TAFA1: variants seen among roughly 807,000 people sequenced by gnomAD.
The protein encoded by TAFA1 is TAFA chemokine like family member 1, also known as chemokine-like protein TAFA-1.
A neutral mutation model predicts 18.5 loss-of-function variants in TAFA1; 4 were observed. That is an observed-to-expected ratio of 0.22 (90% CI 0.11 to 0.49). The LOEUF is 0.49. Ranked by LOEUF, TAFA1 falls within the 20% of genes least tolerant of loss-of-function variation. The probability of loss-of-function intolerance (pLI) is 0.98; values close to 1 mark genes in which losing one functional copy is unlikely to be tolerated. For missense variants in TAFA1, 147 were observed against 169.0 expected (o/e 0.87, Z 0.72); for synonymous variants, 56 against 55.2 (o/e 1.01, Z -0.06).
At chr3:68,202,091 T>A (rs1467857155) in intron 2 of TAFA1, among the ~76,000 whole-genome samples, 1 of 151,708 alleles carries the variant, frequency 6.6e-6, no homozygotes, top group Non-Finnish European at 1.5e-5. Flanking sequence ...CTAAGTCCCA[T>A]CTCCTAACAC....
chr3:68,019,133 T>C (rs1387958704), intron 2 of TAFA1, among the ~76,000 whole-genome samples: 1 of 152,230 alleles, frequency 6.6e-6, no homozygotes, highest in Non-Finnish European at 1.5e-5. Context: ...CAAATTTCTA[T>C]GTTGAGGAGC....
chr3:68,374,672 G>A (rs916298363), intron 2 of TAFA1, among the ~76,000 whole-genome samples: 3 of 152,020 alleles, frequency 2.0e-5, no homozygotes, highest in Non-Finnish European at 2.9e-5. Flanking sequence ...TCTAAAAACC[G>A]CAATGCTGTG....
chr3:68,539,688 TG>T lies in TAFA1; in HGVS notation c.384+812del, dbSNP rs1184533157. Among the ~76,000 whole-genome samples the T allele has an allele frequency of 5.6e-4, 7 of 12,442 alleles. 1 individual carries two copies. Among genetic ancestry groups the T allele is most frequent in the South Asian group, 6.1e-3 (2 of 330 alleles). The allele number at this position is 12,442 out of a possible 152,430, so 8.2% of individuals were successfully genotyped here. ...CTCTGTGTGTGTGTGTGGGGGGGCA[TG>T]GGGTGGGTGGGTGGGTGTGTGCATG... On this transcript the variant is annotated intron_variant, in intron 4 of 4. Coordinates refer to ENST00000478136, the MANE Select transcript of TAFA1 (RefSeq NM_213609.4).
chr3:68,487,193 GAAGCTTT>G (rs1358220954), intron 3 of TAFA1, among the ~76,000 whole-genome samples: 1 of 152,158 alleles, frequency 6.6e-6, no homozygotes, highest in Non-Finnish European at 1.5e-5. Flanking sequence ...TAATGTCAGG[GAAGCTTT>G]GTGGAAACTT....
intron 2 of TAFA1, among the ~76,000 whole-genome samples, chr3:68,317,901 A>T (rs1021539606): frequency 6.6e-6 from 1 of 152,070 alleles, no homozygotes; most frequent in Non-Finnish European, 1.5e-5. Flanking sequence ...TACAGATGTG[A>T]ACAAGTGCCT....
Position 68,116,904 on chromosome 3 carries a change from T to C in TAFA1, c.118+110160T>C, listed in dbSNP as rs1467656109. 3.3e-5 allele frequency among the ~76,000 whole-genome samples: 5 copies of C among 152,304 alleles called. No individual in the cohort carries two copies. The East Asian group carries it at 9.6e-4, about 29-fold the overall frequency. On this transcript the variant is annotated intron_variant, in intron 2 of 4. Transcript: ENST00000478136. ...GTCTATGGCTGCTTTCATGCCACCA[T>C]GCAAGTTGAGTAGTTGGTGACAGAG...
At chr3:68,500,255 A>T (rs571235519) in intron 3 of TAFA1, among the ~76,000 whole-genome samples, 29 of 152,272 alleles carry the variant, frequency 1.9e-4, no homozygotes, top group African/African-American at 6.3e-4. Flanking sequence ...ACTCTCCATC[A>T]TGAAGGACCT....
intron 3 of TAFA1, among the ~76,000 whole-genome samples, chr3:68,434,960 G>C (rs745690138): frequency 3.9e-5 from 6 of 152,140 alleles, no homozygotes; most frequent in Non-Finnish European, 8.8e-5. Context: ...ATCAGATAGA[G>C]TGACCAATAG....
chr3:68,441,338 C>T (rs560404850), intron 3 of TAFA1, among the ~76,000 whole-genome samples: 5 of 152,258 alleles, frequency 3.3e-5, no homozygotes, highest in African/African-American at 4.8e-5. Flanking sequence ...GATAGTGACA[C>T]TGTGTGGAGC....
chr3:68,040,732 A>G (rs991077471), intron 2 of TAFA1, among the ~76,000 whole-genome samples: 80 of 152,284 alleles, frequency 5.3e-4, no homozygotes, highest in African/African-American at 1.8e-3. Flanking sequence ...ATTCTCTGGA[A>G]GTGAGACCCA....
At chr3:68,539,298 C>A (rs2106790291) in intron 4 of TAFA1, among the ~76,000 whole-genome samples, 1 of 152,228 alleles carries the variant, frequency 6.6e-6, no homozygotes, top group Admixed American at 6.5e-5. Context: ...TAAAAGAGTT[C>A]TGTGATGATC....
chr3:68,053,329 A>C lies in TAFA1; in HGVS notation c.118+46585A>C, dbSNP rs562642960. On this transcript the variant is annotated intron_variant, in intron 2 of 4. Transcript: ENST00000478136. ...ATGATTTTTTAATTTTACTCCCCATAGGTTGCCTATTTAAATCTTAACAGA... is the reference window on the plus strand; with the variant it reads ...ATGATTTTTTAATTTTACTCCCCATCGGTTGCCTATTTAAATCTTAACAGA... 3.9e-3 allele frequency among the ~76,000 whole-genome samples: 591 copies of C among 152,218 alleles called. 40 individuals are homozygous for C. In the South Asian group the frequency reaches 0.12, roughly 31 times the overall value.
intron 2 of TAFA1, among the ~76,000 whole-genome samples, chr3:68,245,757 C>G (rs2067065712): frequency 6.6e-6 from 1 of 152,236 alleles, no homozygotes; most frequent in Non-Finnish European, 1.5e-5. Context: ...TAAACCTGCC[C>G]ATCCTGCAAG....
At chr3:68,241,055 G>A (rs930804581) in intron 2 of TAFA1, among the ~76,000 whole-genome samples, 3 of 152,078 alleles carry the variant, frequency 2.0e-5, no homozygotes, top group East Asian at 1.9e-4. Flanking sequence ...GATATAAATC[G>A]TCACAGCATA....
At chr3:68,423,318 C>G (rs187284345) in intron 3 of TAFA1, among the ~76,000 whole-genome samples, 3 of 152,202 alleles carry the variant, frequency 2.0e-5, no homozygotes, top group East Asian at 3.9e-4. Flanking sequence ...CCATTTTATT[C>G]GCCAGGAAAC....
chr3:68,117,445 A>G (rs1356755675), intron 2 of TAFA1, among the ~76,000 whole-genome samples: 1 of 152,228 alleles, frequency 6.6e-6, no homozygotes, highest in Non-Finnish European at 1.5e-5. Context: ...ATGATTTGCT[A>G]TAATCCCCAG....
chr3:68,307,799 G>GGGGT (rs139060078), intron 2 of TAFA1, among the ~76,000 whole-genome samples: 3,923 of 152,174 alleles, frequency 0.026, 89 homozygotes, highest in East Asian at 0.098. Context: ...AAAGACATAA[G>GGGGT]GGGTGAGCTC....
chr3:68,156,785 AAT>A (rs1162932336), intron 2 of TAFA1, among the ~76,000 whole-genome samples: 2 of 152,002 alleles, frequency 1.3e-5, no homozygotes, highest in African/African-American at 2.4e-5. Context: ...GGAAAAAAAT[AAT>A]AAGTCTTGTA....
chr3:68,076,684 C>T (rs1252366307), intron 2 of TAFA1, among the ~76,000 whole-genome samples: 1 of 152,286 alleles, frequency 6.6e-6, no homozygotes, highest in Non-Finnish European at 1.5e-5. Context: ...ATATGTGCCA[C>T]ATTATCTTAA....
Sources: allele counts gnomAD v4.1 joint callset (sites outside exome capture counted in the v4.1 genomes callset), GRCh38; gene constraint gnomAD v4.1.1; transcripts MANE v1.5; gene names NCBI Gene and HGNC (gene_info 2026-07-23, HGNC 2026-07-21).